AK8: variants seen among roughly 807,000 people sequenced by gnomAD.
AK8 encodes the protein adenylate kinase 8.
In AK8, 44 loss-of-function variants were observed where a neutral mutation model predicts 54.6. That is an observed-to-expected ratio of 0.81 (90% confidence interval 0.63 to 1.04). The LOEUF (loss-of-function observed/expected upper bound fraction) is 1.04, where lower values mean the gene tolerates loss of function less well. AK8 is among the 50% of genes least tolerant of loss of function. The pLI, the probability that AK8 is intolerant of heterozygous loss-of-function variation, is 0.00. For missense variants in AK8, 555 were observed against 613.6 expected, an observed-to-expected ratio of 0.90 and a Z score of 1.01; for synonymous variants, 239 against 245.6, an observed-to-expected ratio of 0.97 and a Z score of 0.25.
chr9:132,836,602 C>T (rs1842333070), intron 5 of AK8, among the ~76,000 whole-genome samples: 1 of 152,184 alleles, frequency 6.6e-6, no homozygotes, highest in Admixed American at 6.5e-5. Context: ...AGGCTGCTCT[C>T]AAACTTCTGG....
At position 132,770,955 on chromosome 9, in the gene AK8, C is replaced by T. The variant is rs1266471229; in HGVS notation, c.1121+21679G>A. ...GCTGGTGGCCTCGGCAAACGCAGCA[C>T]AGGAGATGGGAGGGTCTGGCTGAGC... On this transcript the variant is annotated intron_variant, in intron 11 of 12. Coordinates refer to ENST00000298545, the MANE Select transcript of AK8 (RefSeq NM_152572.3). This position sits in a 1 kb window ranked among gnomAD's most constrained non-coding sequence, Gnocchi z 4.3. 6.6e-6 allele frequency among the ~76,000 whole-genome samples: 1 copy of T among 152,130 alleles called. No individual in the cohort carries two copies. The highest frequency in any genetic ancestry group is 1.5e-5 in the Non-Finnish European group (1 of 68,004).
chr9:132,745,939 G>T (rs900063441), intron 11 of AK8, among the ~76,000 whole-genome samples: 2 of 152,312 alleles, frequency 1.3e-5, no homozygotes, highest in African/African-American at 4.8e-5. Flanking sequence ...CCCTCCCCAA[G>T]GAGTAAAATG....
chr9:132,795,540 C>G (rs1418096725), intron 10 of AK8, among the ~76,000 whole-genome samples: 2 of 152,100 alleles, frequency 1.3e-5, no homozygotes, highest in Non-Finnish European at 2.9e-5. Flanking sequence ...CCAGGTCTAC[C>G]CTTAATATTT....
intron 3 of AK8, among the ~76,000 whole-genome samples, chr9:132,864,622 A>G (rs1843516835): frequency 1.3e-5 from 2 of 152,222 alleles, no homozygotes; most frequent in Admixed American, 1.3e-4. Flanking sequence ...TCATATCATC[A>G]GATCTGTGTG....
chr9:132,802,448 C>T (rs895136810), intron 10 of AK8, among the ~76,000 whole-genome samples: 8 of 152,190 alleles, frequency 5.3e-5, no homozygotes, highest in African/African-American at 1.9e-4. Flanking sequence ...GATGCCTGGC[C>T]GCTGGCCCCA....
chr9:132,757,403 T>C (rs961723028), intron 11 of AK8, among the ~76,000 whole-genome samples: 1 of 152,218 alleles, frequency 6.6e-6, no homozygotes, highest in Non-Finnish European at 1.5e-5. Context: ...GCCATTTTTT[T>C]CCTCTGATGA....
chr9:132,849,361 C>A (rs1242121259), intron 5 of AK8, among the ~76,000 whole-genome samples: 4 of 152,208 alleles, frequency 2.6e-5, no homozygotes, highest in African/African-American at 9.7e-5. Context: ...CTTTCTAGAG[C>A]ACAGCCGTGC....
At chr9:132,806,854 G>A (rs2131223878) in intron 10 of AK8, among the ~76,000 whole-genome samples, 1 of 152,288 alleles carries the variant, frequency 6.6e-6, no homozygotes, top group South Asian at 2.1e-4. Context: ...TTGCTAGGGT[G>A]AGGTCTCATT....
At chr9:132,788,999 A>C (rs1470651280) in intron 11 of AK8, among the ~76,000 whole-genome samples, 1 of 152,256 alleles carries the variant, frequency 6.6e-6, no homozygotes, top group Non-Finnish European at 1.5e-5. Flanking sequence ...AGCTGCTTAA[A>C]GATACTCAAA....
chr9:132,768,871 A>C (rs1173676374), intron 11 of AK8: 1 of 152,280 alleles, frequency 6.6e-6, no homozygotes, highest in Non-Finnish European at 1.5e-5. Flanking sequence ...CAAGTTACAG[A>C]AGGATATATG....
At chr9:132,751,776 T>C (rs1837938597) in intron 11 of AK8, among the ~76,000 whole-genome samples, 1 of 151,934 alleles carries the variant, frequency 6.6e-6, no homozygotes, top group Non-Finnish European at 1.5e-5. Flanking sequence ...GTATATTCCA[T>C]AGAGGAAAGG....
chr9:132,873,172 A>G (rs1029610485), intron 2 of AK8, among the ~76,000 whole-genome samples: 1 of 152,164 alleles, frequency 6.6e-6, no homozygotes, highest in Non-Finnish European at 1.5e-5. Context: ...GGCAAGCACA[A>G]TTTTTAATTT....
At chr9:132,754,425 G>A (rs1380377814) in intron 11 of AK8, among the ~76,000 whole-genome samples, 1 of 152,148 alleles carries the variant, frequency 6.6e-6, no homozygotes, top group Non-Finnish European at 1.5e-5. Context: ...TGTAACACTG[G>A]CATTAATCAC....
At position 132,750,529 on chromosome 9, in the gene AK8, T is replaced by G. The variant is rs58553648; in HGVS notation, c.1122-22995A>C. Among the ~76,000 whole-genome samples, 712 of 152,098 alleles carry G rather than the reference T, an allele frequency of 4.7e-3. 11 individuals carry two copies. Among genetic ancestry groups the G allele is most frequent in the African/African-American group, 0.016 (665 of 41,560 alleles). On this transcript the variant is annotated intron_variant, in intron 11 of 12. Transcript: ENST00000298545. ...ACAATTCCAAGGACTTCCCTGAATA[T>G]TCCAACTCTGGGACATCCCCTCTGA...
rs375762018 is a variant in AK8 at position 132,812,628 on chromosome 9, G to A, written c.979+2010C>T. ...CCTCCCAGACCCTGTGCATGTGCATGAGGGCTGCTCCTCAGGACGACCTTG... is the reference window on the plus strand; with the variant it reads ...CCTCCCAGACCCTGTGCATGTGCATAAGGGCTGCTCCTCAGGACGACCTTG... On this transcript the variant is annotated intron_variant, in intron 10 of 12. Transcript: ENST00000298545. Among the ~76,000 whole-genome samples, 79 of 69,756 alleles carry A rather than the reference G, an allele frequency of 1.1e-3. 4 individuals carry two copies. In the South Asian group the frequency reaches 0.039, roughly 34 times the overall value. 45.8% of individuals were successfully genotyped at this position (69,756 alleles called of 152,430 possible). A position where few individuals can be genotyped will look rare whatever the true frequency, so the allele number is the denominator to read the frequency against.
chr9:132,854,970 C>G, intron 4 of AK8, 45 bp from the exon 5 acceptor site: 1 of 1,606,792 alleles, frequency 6.2e-7, no homozygotes. Context: ...AACCTGCTTC[C>G]TGCAGCTCAG....
intron 11 of AK8, among the ~76,000 whole-genome samples, chr9:132,736,120 GTC>G: frequency 6.6e-6 from 1 of 151,956 alleles, no homozygotes; most frequent in African/African-American, 2.4e-5. Flanking sequence ...TGTATGTGTG[GTC>G]TGTCATTGAC....
At chr9:132,789,561 C>T (rs1839856344) in intron 11 of AK8, among the ~76,000 whole-genome samples, 1 of 122,422 alleles carries the variant, frequency 8.2e-6, no homozygotes, top group Admixed American at 1.1e-4. Context: ...CATGCCACTG[C>T]ACTCCAGCCT....
intron 1 of AK8, among the ~76,000 whole-genome samples, chr9:132,875,591 CCTGG>C (rs1844058390): frequency 6.6e-6 from 1 of 152,242 alleles, no homozygotes; most frequent in African/African-American, 2.4e-5. Flanking sequence ...TTGTCCTCAT[CCTGG>C]CTAACTTCTG....
Sources: gnomAD v4.1 joint callset for allele counts (sites outside exome capture counted in the v4.1 genomes callset) on GRCh38, gnomAD v4.1.1 for gene constraint, Gnocchi (gnomAD v3.1) non-coding constraint, MANE v1.5 for transcripts, NCBI Gene and HGNC (gene_info 2026-07-23, HGNC 2026-07-21) for gene names.